FCER2: variants seen among roughly 807,000 people sequenced by gnomAD.
The protein encoded by FCER2 is low affinity immunoglobulin epsilon Fc receptor.
A neutral mutation model predicts 49.7 loss-of-function variants in FCER2; 38 were observed. The observed-to-expected ratio is 0.76, with a 90% confidence interval of 0.59 to 1.00. The LOEUF (loss-of-function observed/expected upper bound fraction) is 1.00. Ranked by LOEUF, FCER2 falls within the 50% of genes least tolerant of loss-of-function variation. The pLI is 0.00. For missense variants in FCER2, 425 were observed against 419.5 expected, an observed-to-expected ratio of 1.01 and a Z score of -0.11; for synonymous variants, 163 against 164.6, an observed-to-expected ratio of 0.99 and a Z score of 0.07.
chr19:7,698,418 G>A lies in FCER2; in HGVS notation c.137-9C>T, dbSNP rs1194055342. The A allele has an allele frequency of 1.2e-6, 2 of 1,608,454 alleles. No homozygotes were observed. On this transcript the variant is annotated splice_polypyrimidine_tract_variant and intron_variant, in intron 3 of 10. Transcript: ENST00000597921. Reference sequence around the variant, plus strand: ...CTGTGTGGTGTCCCAGTCTGGGGAGGGGGAGAGAAGAGGAGTGGAGAGGGG... The same window carrying A: ...CTGTGTGGTGTCCCAGTCTGGGGAGAGGGAGAGAAGAGGAGTGGAGAGGGG...
At chr19:7,701,185 G>A (rs890187176) in intron 1 of FCER2, among the ~76,000 whole-genome samples, 4 of 152,124 alleles carry the variant, frequency 2.6e-5, no homozygotes, top group Non-Finnish European at 4.4e-5. Flanking sequence ...TGGAGGTCAC[G>A]GGCTACCTTC....
In FCER2 at chr19:7,689,169, C is replaced by A. The variant is rs142426433; in HGVS notation, c.*24G>T. On this transcript the variant is annotated 3_prime_UTR_variant, in exon 11 of 11. Transcript: ENST00000597921. ...GTGGTTGGGGGTCTTCAGGGTCTTG[C>A]TCTGGGCCTGGCTGTATCCATGCTC... 2.7e-3 allele frequency: 4,167 copies of A among 1,532,334 alleles called. 6 individuals are homozygous for A. The highest frequency in any genetic ancestry group is 3.5e-3 in the Non-Finnish European group (3,927 of 1,107,650). The allele number at this position is 1,532,334 out of a possible 1,614,324, so 94.9% of individuals were successfully genotyped here. A position where few individuals can be genotyped will look rare whatever the true frequency, so the allele number is the denominator to read the frequency against.
chr19:7,690,702 AC>A, intron 8 of FCER2, 145 bp from the exon 9 acceptor site: 2 of 747,972 alleles, frequency 2.7e-6, no homozygotes, highest in Non-Finnish European at 4.3e-6. Flanking sequence ...AGACAGCCTC[AC>A]GGGCTGTGTT....
rs547790901 is a variant in FCER2 at position 7,689,115 on chromosome 19, C to A, written c.*78G>T. The A allele has an allele frequency of 8.5e-5, 85 of 997,502 alleles. 1 individual carries two copies. Among genetic ancestry groups the A allele is most frequent in the South Asian group, 4.6e-4 (32 of 68,878 alleles). 61.8% of individuals were successfully genotyped at this position (997,502 alleles called of 1,614,324 possible). ...TGGGTGGCAGAAAATGTCACAGGGA[C>A]CTTTCAGCCACAAAGAGGCTTTTAG... On this transcript the variant is annotated 3_prime_UTR_variant, in exon 11 of 11. Coordinates refer to ENST00000597921, the MANE Select transcript of FCER2 (RefSeq NM_001220500.2).
At chr19:7,692,108 TGTCATGAA>T (rs2032891488) in intron 8 of FCER2, among the ~76,000 whole-genome samples, 1 of 72,338 alleles carries the variant, frequency 1.4e-5, no homozygotes, top group Non-Finnish European at 2.7e-5. Flanking sequence ...CCAACACCAT[TGTCATGAA>T]CACATTCACG....
chr19:7,692,377 C>A (rs138546523), intron 8 of FCER2, among the ~76,000 whole-genome samples: 1,213 of 81,760 alleles, frequency 0.015, 104 homozygotes, highest in Non-Finnish European at 0.021. Context: ...CCCAACAACA[C>A]ATCAACCACC....
intron 2 of FCER2, chr19:7,699,423 C>T: frequency 1.4e-6 from 2 of 1,433,780 alleles, no homozygotes; most frequent in Non-Finnish European, 1.8e-6. Context: ...GTTCCAAGTT[C>T]CTGTTCTATT....
chr19:7,695,322 C>T, intron 8 of FCER2, among the ~76,000 whole-genome samples: 1 of 152,206 alleles, frequency 6.6e-6, no homozygotes, highest in East Asian at 1.9e-4. Context: ...ACCAGGAAGG[C>T]TATGTGTATG....
chr19:7,699,253 C>A (rs925103337), intron 2 of FCER2: 2 of 516,240 alleles, frequency 3.9e-6, no homozygotes, highest in Admixed American at 2.8e-5. Context: ...TCCCCAACAT[C>A]GGAGCCACTC....
rs1299452596 is a variant in FCER2, at chr19:7,698,391, C to T, written c.155G>A (p.Ser52Asn). 1.2e-6 allele frequency: 2 copies of T among 1,612,626 alleles called. No individual in the cohort carries two copies. Among genetic ancestry groups the T allele is most frequent in the Admixed American group, 1.7e-5 (1 of 59,896 alleles). The change falls in exon 4 of 11, where the codon AGT becomes AAT. Residue 52 changes from serine to asparagine, a missense_variant. Ser to Asn is a conservative substitution (Grantham distance 46). Coordinates refer to ENST00000597921, the MANE Select transcript of FCER2 (RefSeq NM_001220500.2). ...AGCCCTCTCTTCCAGCTGTTTTAGA[C>T]TCTGTGTGGTGTCCCAGTCTGGGGA... Reference protein sequence around the residue: ...LLLWHWDTTQSLKQLEERAAR... With the variant: ...LLLWHWDTTQNLKQLEERAAR...
At chr19:7,691,501 C>CA (rs2032870601) in intron 8 of FCER2, among the ~76,000 whole-genome samples, 1 of 151,958 alleles carries the variant, frequency 6.6e-6, no homozygotes, top group African/African-American at 2.4e-5. Context: ...CCATGGCTAG[C>CA]AACACTTCAA....
intron 8 of FCER2, among the ~76,000 whole-genome samples, chr19:7,693,742 G>A (rs1166580607): frequency 1.3e-5 from 2 of 151,882 alleles, no homozygotes; most frequent in Non-Finnish European, 2.9e-5. Context: ...TGCACCTCCC[G>A]GGTTCAAGCA....
At chr19:7,699,437 C>A in intron 2 of FCER2, 1 of 1,459,146 alleles carries the variant, frequency 6.9e-7, no homozygotes, top group South Asian at 1.2e-5. Context: ...TTCTATTTGG[C>A]CTCTGACTCT....
At chr19:7,696,744 G>A (rs977216579) in intron 8 of FCER2, 81 bp downstream of exon 8, 5 of 984,254 alleles carry the variant, frequency 5.1e-6, no homozygotes, top group Non-Finnish European at 7.8e-6. Context: ...CACGTCACAC[G>A]TGCGTGCCGT....
Position 7,696,851 on chromosome 19 carries a change from A to C in FCER2, c.443T>G (p.Leu148Arg). The change falls in exon 8 of 11, where the codon CTA (leucine) becomes CGA (arginine). Residue 148 changes from leucine to arginine, a missense_variant. Physicochemically the swap from Leu to Arg is moderately radical, Grantham distance 102 (BLOSUM62 -2). Transcript: ENST00000597921. ...GCTGGACACCTGCAACTCCATCCTT[A>C]GCTTTGTCACCTCCTCCCGGAGTCT... ...LERLREEVTK[L>R]RMELQVSSGF... The C allele has an allele frequency of 8.8e-6, 14 of 1,584,704 alleles. No homozygotes were observed. Among genetic ancestry groups the C allele is most frequent in the Non-Finnish European group, 1.2e-5 (14 of 1,164,534 alleles).
chr19:7,698,711 G>T, intron 3 of FCER2, 30 bp downstream of exon 3: 1 of 1,606,778 alleles, frequency 6.2e-7, no homozygotes, highest in East Asian at 2.2e-5. Flanking sequence ...ATGAGTTGGG[G>T]GGACCACATG....
chr19:7,691,121 C>A (rs1196462076), intron 8 of FCER2, among the ~76,000 whole-genome samples: 2 of 135,654 alleles, frequency 1.5e-5, no homozygotes, highest in African/African-American at 6.3e-5. Context: ...ACACTCATGT[C>A]CAATAATATT....
chr19:7,697,980 C>T (rs1017490206), intron 4 of FCER2, among the ~76,000 whole-genome samples: 5 of 152,150 alleles, frequency 3.3e-5, no homozygotes, highest in Non-Finnish European at 5.9e-5. Flanking sequence ...TACAATAGCT[C>T]GAGTTACAAT....
At chr19:7,695,484 A>G (rs1363189122) in intron 8 of FCER2, among the ~76,000 whole-genome samples, 1 of 152,234 alleles carries the variant, frequency 6.6e-6, no homozygotes, top group Non-Finnish European at 1.5e-5. Context: ...AGTTGGAATC[A>G]GAAAGAAATT....
Sources: gnomAD v4.1 joint callset for allele counts (sites outside exome capture counted in the v4.1 genomes callset) on GRCh38, gnomAD v4.1.1 for gene constraint, MANE v1.5 for transcripts, NCBI Gene and HGNC (gene_info 2026-07-23, HGNC 2026-07-21) for gene names.